The following RELN variants were observed in gnomAD, a reference collection of about 807,000 sequenced individuals.
RELN encodes reelin.
In RELN, 108 loss-of-function variants were observed where a neutral mutation model predicts 427.6. That is an observed-to-expected ratio of 0.25 (90% confidence interval 0.22 to 0.30). The LOEUF is 0.30. Ranked by LOEUF, RELN falls within the 10% of genes least tolerant of loss-of-function variation. RELN has a pLI of 1.00. For synonymous variants in RELN, 1,524 were observed against 1,513.4 expected, an observed-to-expected ratio of 1.01 and a Z score of -0.16; for missense variants, 3,715 against 4,302.8, an observed-to-expected ratio of 0.86 and a Z score of 3.82.
chr7:103,583,325 T>A (rs940203235), intron 28 of RELN, among the ~76,000 whole-genome samples: 1 of 152,100 alleles, frequency 6.6e-6, no homozygotes, highest in Non-Finnish European at 1.5e-5. Flanking sequence ...CAATTTCCCC[T>A]AAAAAAATCC....
At chr7:103,501,805 C>T (rs984299730) in intron 52 of RELN, among the ~76,000 whole-genome samples, 1 of 152,164 alleles carries the variant, frequency 6.6e-6, no homozygotes, top group Non-Finnish European at 1.5e-5. Context: ...CCAGATAATC[C>T]ATGAAATAAT....
chr7:103,877,948 T>C (rs1274665557), intron 2 of RELN, among the ~76,000 whole-genome samples: 1 of 149,568 alleles, frequency 6.7e-6, no homozygotes, highest in African/African-American at 2.5e-5. Context: ...CTCTGCCTCC[T>C]GACTTCAAGC....
In RELN at chr7:103,603,460, G is replaced by T; in HGVS notation, c.3177C>A (p.Cys1059Ter). 6.2e-7 allele frequency: 1 copy of T among 1,613,832 alleles called. No individual in the cohort carries two copies. Among genetic ancestry groups the T allele is most frequent in the Non-Finnish European group, 8.5e-7 (1 of 1,179,792 alleles). The change falls in exon 24 of 65, where the codon TGC becomes TGA. Residue 1059 changes from cysteine (C) to a stop codon, truncating the protein, a stop_gained. Coordinates refer to ENST00000428762, the MANE Select transcript of RELN (RefSeq NM_005045.4). LOFTEE classifies it high-confidence loss of function. The surrounding 1 kb of genome is among the most constrained non-coding windows in gnomAD (Gnocchi z 4.3). ...RCDQGYQGTE[C>*]HPEAALPSTI... ...TGGACGGAAGGGCAGCTTCTGGGTG[G>T]CATTCAGTGCCTTGGTACCCCTGGT...
At chr7:103,685,733 T>C (rs1191727331) in intron 10 of RELN, among the ~76,000 whole-genome samples, 1 of 152,148 alleles carries the variant, frequency 6.6e-6, no homozygotes, top group Admixed American at 6.6e-5. Context: ...ATGGCTCTTA[T>C]GTGTTTCTCT....
intron 11 of RELN, among the ~76,000 whole-genome samples, chr7:103,670,362 A>G (rs920415752): frequency 6.6e-6 from 1 of 152,148 alleles, no homozygotes; most frequent in African/African-American, 2.4e-5. Context: ...ACAAGCACAC[A>G]AGAACGTTTA....
chr7:103,556,881 C>T, intron 38 of RELN, 96 bp downstream of exon 38: 1 of 981,452 alleles, frequency 1.0e-6, no homozygotes, highest in East Asian at 2.4e-5. Context: ...GACAGCTAAG[C>T]TGCTCAGTTG....
At chr7:103,696,970 G>A (rs1263980366) in intron 10 of RELN, among the ~76,000 whole-genome samples, 2 of 152,152 alleles carry the variant, frequency 1.3e-5, no homozygotes, top group African/African-American at 4.8e-5. Flanking sequence ...CTTAAAATGT[G>A]TTAGACAACT....
At chr7:103,543,900 C>T (rs922981797) in intron 42 of RELN, among the ~76,000 whole-genome samples, 9 of 152,294 alleles carry the variant, frequency 5.9e-5, no homozygotes, top group Admixed American at 1.3e-4. Flanking sequence ...AAACCCTGTG[C>T]CTGTTAAACT....
chr7:103,521,902 TG>T (rs1389222595), intron 48 of RELN, 119 bp downstream of exon 48: 127 of 960,558 alleles, frequency 1.3e-4, no homozygotes, highest in Non-Finnish European at 2.7e-5. Context: ...AGATCAGGGT[TG>T]TACATTTAGG....
intron 12 of RELN, among the ~76,000 whole-genome samples, chr7:103,656,248 A>C (rs1833020175): frequency 1.3e-5 from 2 of 152,102 alleles, no homozygotes; most frequent in African/African-American, 2.4e-5. Context: ...TATTGGAATT[A>C]TGTTGTGCAA....
chr7:103,602,736 T>C (rs1355594914), intron 24 of RELN, among the ~76,000 whole-genome samples: 2 of 152,034 alleles, frequency 1.3e-5, no homozygotes, highest in African/African-American at 2.4e-5. Flanking sequence ...ATGTAGATGA[T>C]GAGTTGATGG....
chr7:103,666,069 A>T (rs1246796577), intron 11 of RELN, among the ~76,000 whole-genome samples: 1 of 150,176 alleles, frequency 6.7e-6, no homozygotes, highest in Non-Finnish European at 1.5e-5. Context: ...TTTTTTATTT[A>T]TTTATTTTTT....
At chr7:103,965,331 A>G (rs1357240951) in intron 1 of RELN, among the ~76,000 whole-genome samples, 1 of 152,240 alleles carries the variant, frequency 6.6e-6, no homozygotes, top group Non-Finnish European at 1.5e-5. Context: ...AAAATAACTC[A>G]GAAGTCACAA....
intron 2 of RELN, among the ~76,000 whole-genome samples, chr7:103,900,732 G>A (rs533028678): frequency 6.6e-6 from 1 of 152,172 alleles, no homozygotes; most frequent in South Asian, 2.1e-4. Context: ...ACACAAACAA[G>A]CAATGGGGAA....
intron 7 of RELN, 65 bp from the exon 8 acceptor site, chr7:103,723,256 G>T: frequency 1.1e-6 from 1 of 940,280 alleles, no homozygotes; most frequent in South Asian, 1.3e-5. Context: ...AAAGATGCTG[G>T]GAGGGGTACG....
intron 34 of RELN, 148 bp from the exon 35 acceptor site, chr7:103,562,101 A>G (rs1462149979): frequency 1.1e-6 from 1 of 902,464 alleles, no homozygotes; most frequent in Non-Finnish European, 1.7e-6. Flanking sequence ...TTATTTTCCT[A>G]CTAAGTAGTA....
intron 27 of RELN, among the ~76,000 whole-genome samples, chr7:103,590,724 T>C (rs1311761774): frequency 1.3e-5 from 2 of 152,206 alleles, no homozygotes; most frequent in East Asian, 1.9e-4. Flanking sequence ...GGACTCATCA[T>C]AGGATTAACA....
Position 103,988,506 on chromosome 7 carries a change from C to A in RELN, c.226+625G>T, listed in dbSNP as rs1797148649. 6.6e-6 allele frequency among the ~76,000 whole-genome samples: 1 copy of A among 152,186 alleles called. No individual in the cohort carries two copies. The highest frequency in any genetic ancestry group is 1.5e-5 in the Non-Finnish European group (1 of 68,028). ...AAAGTAAGGCAGGAATCAGAAAAAT[C>A]ATCAATTACTGACATATTAAATCAC... On this transcript the variant is annotated intron_variant, in intron 1 of 64. Coordinates refer to ENST00000428762, the MANE Select transcript of RELN (RefSeq NM_005045.4). This position sits in a 1 kb window ranked among gnomAD's most constrained non-coding sequence, Gnocchi z 4.9.
At chr7:103,515,061 T>C in intron 50 of RELN, 124 bp downstream of exon 50, 1 of 1,214,316 alleles carries the variant, frequency 8.2e-7, no homozygotes, top group Non-Finnish European at 1.2e-6. Flanking sequence ...GATGACACCC[T>C]TTTCAGCGTT....
Sources: gnomAD v4.1 joint callset for allele counts (sites outside exome capture counted in the v4.1 genomes callset) on GRCh38, gnomAD v4.1.1 for gene constraint, Gnocchi (gnomAD v3.1) non-coding constraint, MANE v1.5 for transcripts, NCBI Gene and HGNC (gene_info 2026-07-23, HGNC 2026-07-21) for gene names.